OR6N1: variants seen among roughly 807,000 people sequenced by gnomAD.
The protein encoded by OR6N1 is olfactory receptor family 6 subfamily N member 1.
For synonymous variants in OR6N1, 170 were observed against 150.7 expected (o/e 1.13, Z -0.94); for missense variants, 394 against 371.7 (o/e 1.06, Z -0.49).
chr1:158,802,572 G>A, the OR6N1 span, among the ~76,000 whole-genome samples: 1 of 151,830 alleles, frequency 6.6e-6, no homozygotes, highest in Admixed American at 6.6e-5. Flanking sequence ...TTTTTGCAAG[G>A]AGATTTCTCA....
chr1:158,826,560 C>G, the OR6N1 span, among the ~76,000 whole-genome samples: 2 of 152,028 alleles, frequency 1.3e-5, no homozygotes, highest in African/African-American at 4.8e-5. Flanking sequence ...TGTTTCAATA[C>G]AGAGGGGGTA....
the OR6N1 span, among the ~76,000 whole-genome samples, chr1:158,802,199 C>CTTTT: frequency 1.9e-5 from 2 of 105,198 alleles, no homozygotes; most frequent in Non-Finnish European, 3.6e-5. Flanking sequence ...CCTCATAGCA[C>CTTTT]TTTTTTTTTT....
At chr1:158,822,484 C>G in the OR6N1 span, among the ~76,000 whole-genome samples, 1 of 152,106 alleles carries the variant, frequency 6.6e-6, no homozygotes, top group African/African-American at 2.4e-5. Flanking sequence ...AGGTTGTGTT[C>G]TTGATTTGGC....
the OR6N1 span, among the ~76,000 whole-genome samples, chr1:158,828,090 C>A: frequency 2.0e-5 from 3 of 152,276 alleles, no homozygotes; most frequent in African/African-American, 7.2e-5. Context: ...ATTCTTCTCC[C>A]ACTGGGTCCC....
At chr1:158,815,444 G>C in the OR6N1 span, among the ~76,000 whole-genome samples, 3 of 152,138 alleles carry the variant, frequency 2.0e-5, no homozygotes, top group African/African-American at 7.2e-5. Context: ...AATGTAGGAA[G>C]ACAGAAAGGG....
At chr1:158,810,073 C>T in the OR6N1 span, among the ~76,000 whole-genome samples, 3 of 152,182 alleles carry the variant, frequency 2.0e-5, no homozygotes, top group Admixed American at 2.0e-4. Context: ...TACTCAACCT[C>T]AGCTTCCTCT....
the OR6N1 span, among the ~76,000 whole-genome samples, chr1:158,834,265 C>G: frequency 2.6e-3 from 367 of 143,284 alleles, 2 homozygotes; most frequent in Non-Finnish European, 3.2e-3. Context: ...CGGAGTTTCG[C>G]CCTGTCGCCC....
At chr1:158,786,367 C>T in the OR6N1 span, among the ~76,000 whole-genome samples, 5 of 151,778 alleles carry the variant, frequency 3.3e-5, no homozygotes, top group East Asian at 1.9e-4. Flanking sequence ...AGGGATGTGG[C>T]GAAAAAGGAA....
chr1:158,776,967 C>T (rs771360819), upstream of OR6N1: 1 of 1,613,968 alleles, frequency 6.2e-7, no homozygotes, highest in Non-Finnish European at 8.5e-7. Flanking sequence ...TCAGCACAGC[C>T]CCAATGATCC....
chr1:158,791,619 G>A, the OR6N1 span, among the ~76,000 whole-genome samples: 32 of 151,914 alleles, frequency 2.1e-4, 1 homozygote, highest in Middle Eastern at 0.014. Flanking sequence ...ACAGGCATGC[G>A]CTACCACATC....
the OR6N1 span, among the ~76,000 whole-genome samples, chr1:158,810,701 C>T: frequency 5.3e-5 from 8 of 152,140 alleles, no homozygotes; most frequent in African/African-American, 1.9e-4. Flanking sequence ...AGAACAACAC[C>T]TTGATCACTC....
chr1:158,812,533 G>A, the OR6N1 span, among the ~76,000 whole-genome samples: 4 of 152,210 alleles, frequency 2.6e-5, no homozygotes, highest in Non-Finnish European at 5.9e-5. Context: ...TCGTGGTTTA[G>A]CAAGAGAGAC....
At chr1:158,776,370 G>A, upstream of OR6N1, 1 of 213,516 alleles carries the variant, frequency 4.7e-6, no homozygotes, top group Non-Finnish European at 9.2e-6. Flanking sequence ...AATATGGTGT[G>A]TTGAGAAGTT....
chr1:158,783,348 C>T, the OR6N1 span, among the ~76,000 whole-genome samples: 1 of 152,210 alleles, frequency 6.6e-6, no homozygotes, highest in Non-Finnish European at 1.5e-5. Flanking sequence ...ACTGGTTCAT[C>T]ACTGTTTCTC....
At chr1:158,773,915 C>A (rs557765622), upstream of OR6N1, among the ~76,000 whole-genome samples, 1 of 152,260 alleles carries the variant, frequency 6.6e-6, no homozygotes, top group African/African-American at 2.4e-5. Flanking sequence ...CATTGTTTAG[C>A]TTTGAGATAG....
chr1:158,785,888 A>G, the OR6N1 span, among the ~76,000 whole-genome samples: 1 of 152,154 alleles, frequency 6.6e-6, no homozygotes, highest in African/African-American at 2.4e-5. Context: ...CCATGTAGTC[A>G]TTATTTTAGA....
the OR6N1 span, among the ~76,000 whole-genome samples, chr1:158,788,210 C>T: frequency 2.0e-5 from 3 of 152,128 alleles, 1 homozygote; most frequent in African/African-American, 4.8e-5. Flanking sequence ...CTGTAAACTA[C>T]ACAATTGTGT....
the OR6N1 span, among the ~76,000 whole-genome samples, chr1:158,827,709 A>C: frequency 5.9e-5 from 9 of 152,232 alleles, no homozygotes; most frequent in Non-Finnish European, 1.3e-4. Flanking sequence ...AATATTTATG[A>C]GATAAAATCA....
At chr1:158,776,806 A>G, upstream of OR6N1, 1 of 1,614,066 alleles carries the variant, frequency 6.2e-7, no homozygotes, top group South Asian at 1.1e-5. Flanking sequence ...TACGGAGTAA[A>G]CTATAGCAAG....
Sources: allele counts gnomAD v4.1 joint callset (sites outside exome capture counted in the v4.1 genomes callset), GRCh38; gene constraint gnomAD v4.1.1; transcripts MANE v1.5; gene names NCBI Gene and HGNC (gene_info 2026-07-23, HGNC 2026-07-21).